ATP13A1: variants seen among roughly 807,000 people sequenced by gnomAD.
The protein encoded by ATP13A1 is ATPase 13A1, also known as endoplasmic reticulum transmembrane helix translocase.
A neutral mutation model predicts 134.8 loss-of-function variants in ATP13A1; 55 were observed. That is an observed-to-expected ratio of 0.41 (90% CI 0.33 to 0.51). ATP13A1 has a LOEUF of 0.51. Ranked by LOEUF, ATP13A1 falls within the 20% of genes least tolerant of loss-of-function variation. The pLI, the probability that ATP13A1 is intolerant of heterozygous loss-of-function variation, is 0.29. For missense variants in ATP13A1, 1,389 were observed against 1,652.8 expected, an observed-to-expected ratio of 0.84 and a Z score of 2.77; for synonymous variants, 775 against 725.1, an observed-to-expected ratio of 1.07 and a Z score of -1.10.
chr19:19,659,704 C>G lies in ATP13A1; in HGVS notation c.574G>C (p.Val192Leu). The part of the protein sequence containing the change: ...DALEKKQFLP[V>L]AFPVGNAFSY... ...AAGGCGTTTCCCACAGGAAAGGCCA[C>G]GGGGAGAAACTGCTTCTTCTCCAGG... The change falls in exon 3 of 26, where the codon GTG becomes CTG. Residue 192 changes from valine to leucine, a missense_variant. By Grantham distance (32) the Val-to-Leu change is conservative (BLOSUM62 1). Coordinates refer to ENST00000357324, the MANE Select transcript of ATP13A1 (RefSeq NM_020410.3). 1 of 1,613,934 alleles carries G rather than the reference C, an allele frequency of 6.2e-7. No individual in the cohort carries two copies. The highest frequency in any genetic ancestry group is 8.5e-7 in the Non-Finnish European group (1 of 1,179,880).
In ATP13A1 at chr19:19,663,450, G is replaced by A; in HGVS notation, c.217C>T (p.Leu73=). The A allele has an allele frequency of 6.4e-7, 1 of 1,554,476 alleles. No homozygotes were observed. The highest frequency in any genetic ancestry group is 2.4e-5 in the East Asian group (1 of 41,622). ...RRLTVLPFAG[L]LYPAWLGAAA... is the part of the protein sequence containing the mutation. ...GCACCCAACCAGGCCGGGTAAAGCA[G>A]CCCGGCGAATGGCAGCACCGTGAGG... is the stretch of plus-strand genomic sequence containing the variant. Residue 73 remains leucine (L), a synonymous_variant, in exon 1 of 26, where the codon CTG becomes TTG. Coordinates refer to ENST00000357324, the MANE Select transcript of ATP13A1 (RefSeq NM_020410.3).
chr19:19,660,498 CAAAA>C (rs1005121674), intron 1 of ATP13A1: 1 of 145,782 alleles, frequency 6.9e-6, no homozygotes, highest in South Asian at 2.1e-4. Flanking sequence ...AAAAAAAAAA[CAAAA>C]AACCAGCCAG....
In ATP13A1 at chr19:19,645,438, A is replaced by G; in HGVS notation, c.3599T>C (p.Leu1200Pro). 1 of 1,602,812 alleles carries G rather than the reference A, an allele frequency of 6.2e-7. No homozygotes were observed. The highest frequency in any genetic ancestry group is 8.5e-7 in the Non-Finnish European group (1 of 1,175,480). Reference sequence around the variant, plus strand: ...ACTGCCATCTCAGGAAGGCACTTTCAGCTTCGGGGTCCCCAGGAAGAACTG... The same window carrying G: ...ACTGCCATCTCAGGAAGGCACTTTCGGCTTCGGGGTCCCCAGGAAGAACTG... Reference protein sequence around the residue: ...VLQFFLGTPKLKVPS With the variant: ...VLQFFLGTPKPKVPS The change falls in exon 26 of 26, where the codon CTG becomes CCG. Residue 1200 changes from leucine (L) to proline (P), a missense_variant. Coordinates refer to ENST00000357324, the MANE Select transcript of ATP13A1 (RefSeq NM_020410.3). This position sits in a 1 kb window ranked among gnomAD's most constrained non-coding sequence, Gnocchi z 4.1.
Position 19,653,142 on chromosome 19 carries a change from T to C in ATP13A1, c.2101-422A>G, listed in dbSNP as rs1322246298. On this transcript the variant is annotated intron_variant, in intron 15 of 25. Transcript: ENST00000357324. The surrounding 1 kb of genome is among the most constrained non-coding windows in gnomAD (Gnocchi z 4.2). ...CTCACACTGCACCAGGGGAGACGCA[T>C]GATCAAGAAAGTCACAGAAATCGGA... The C allele has an allele frequency of 2.2e-5, 4 of 178,634 alleles. No homozygotes were observed. The East Asian group carries it at 6.5e-4, about 29-fold the overall frequency. 11.1% of individuals were successfully genotyped at this position (178,634 alleles called of 1,614,324 possible).
chr19:19,662,643 C>T (rs918080796), intron 1 of ATP13A1, among the ~76,000 whole-genome samples: 4 of 152,138 alleles, frequency 2.6e-5, no homozygotes, highest in Non-Finnish European at 4.4e-5. Context: ...GTTGTATCCC[C>T]GACAGAACTC....
At chr19:19,649,973 C>A in intron 17 of ATP13A1, 33 bp from the exon 18 acceptor site, 4 of 1,541,424 alleles carry the variant, frequency 2.6e-6, no homozygotes, top group Non-Finnish European at 3.5e-6. Context: ...GGGCTGGGGG[C>A]TTGGCTGACC....
At position 19,655,752 on chromosome 19, in the gene ATP13A1, T is replaced by C; in HGVS notation, c.1270-98A>G. 6.5e-7 allele frequency: 1 copy of C among 1,538,766 alleles called. No individual in the cohort carries two copies. Among genetic ancestry groups the C allele is most frequent in the Admixed American group, 1.9e-5 (1 of 51,366 alleles). Reference sequence around the variant, plus strand: ...TGGTCTTGGGGTGGCCTCTGCACCCTGGCCCAGGTCCAGGGCCGTGCTGCC... The same window carrying C: ...TGGTCTTGGGGTGGCCTCTGCACCCCGGCCCAGGTCCAGGGCCGTGCTGCC... On this transcript the variant is annotated intron_variant, in intron 9 of 25. Coordinates refer to ENST00000357324, the MANE Select transcript of ATP13A1 (RefSeq NM_020410.3). The surrounding 1 kb of genome is among the most constrained non-coding windows in gnomAD (Gnocchi z 5.7).
chr19:19,654,253 T>C lies in ATP13A1; in HGVS notation c.1814-109A>G, dbSNP rs372397936. 37 of 1,201,788 alleles carry C rather than the reference T, an allele frequency of 3.1e-5. No homozygotes were observed. The African/African-American group carries it at 4.9e-4, about 16-fold the overall frequency. 74.4% of individuals were successfully genotyped at this position (1,201,788 alleles called of 1,614,324 possible). On this transcript the variant is annotated intron_variant, in intron 13 of 25. Transcript: ENST00000357324. ...CCTCCCTCCTGCCTCCCCCAGGGCC[T>C]GATCGGGGCTCTGGGCTAGAGCAGG...
intron 17 of ATP13A1, chr19:19,651,087 C>G (rs1168478816): frequency 6.6e-6 from 1 of 151,588 alleles, no homozygotes; most frequent in Non-Finnish European, 1.5e-5. Context: ...AGTGGGTTCA[C>G]TTCTGAGCCT....
chr19:19,653,518 C>T lies in ATP13A1; in HGVS notation c.2100+266G>A. On this transcript the variant is annotated intron_variant, in intron 15 of 25. Transcript: ENST00000357324. This position sits in a 1 kb window ranked among gnomAD's most constrained non-coding sequence, Gnocchi z 4.2. The stretch of plus-strand genomic sequence containing the variant: ...GATGCCACCTAGCCCTGCCCAAGAC[C>T]AGGGCAAAAGAGTAGAGCTAGGGAC... The T allele has an allele frequency of 2.0e-6, 1 of 511,708 alleles. No homozygotes were observed. The allele number at this position is 511,708 out of a possible 1,614,324, so 31.7% of individuals were successfully genotyped here. A position where few individuals can be genotyped will look rare whatever the true frequency, so the allele number is the denominator to read the frequency against.
rs773408096 is a variant in ATP13A1, at chr19:19,655,319, G to A, written c.1531C>T (p.Leu511Phe). The A allele has an allele frequency of 6.2e-7, 1 of 1,613,966 alleles. No individual in the cohort carries two copies. The highest frequency in any genetic ancestry group is 8.5e-7 in the Non-Finnish European group (1 of 1,179,880). Residue 511 changes from leucine (L) to phenylalanine (F), a missense_variant, in exon 11 of 26, where the codon CTC (leucine) becomes TTC (phenylalanine). Leu to Phe is a conservative substitution (Grantham distance 22). This residue lies in a region of ATP13A1 where 747 missense variants were observed against 956.1 expected (regional missense o/e 0.78). Coordinates refer to ENST00000357324, the MANE Select transcript of ATP13A1 (RefSeq NM_020410.3). The surrounding 1 kb of genome is among the most constrained non-coding windows in gnomAD (Gnocchi z 5.7). Reference protein sequence around the residue: ...VNTSLIALAKLYMYCTEPFRI... With the variant: ...VNTSLIALAKFYMYCTEPFRI... Reference sequence around the variant, plus strand: ...CCATCCCATTTGACACACTCACAGAGCTTGGCCAGGGCGATGAGGGAGGTG... The same window carrying A: ...CCATCCCATTTGACACACTCACAGAACTTGGCCAGGGCGATGAGGGAGGTG...
In ATP13A1 at chr19:19,653,732, G is replaced by A; in HGVS notation, c.2100+52C>T. 2 of 1,452,530 alleles carry A rather than the reference G, an allele frequency of 1.4e-6. No homozygotes were observed. Among genetic ancestry groups the A allele is most frequent in the East Asian group, 2.5e-5 (1 of 40,384 alleles). The allele number at this position is 1,452,530 out of a possible 1,614,324, so 90.0% of individuals were successfully genotyped here. On this transcript the variant is annotated intron_variant, in intron 15 of 25. Coordinates refer to ENST00000357324, the MANE Select transcript of ATP13A1 (RefSeq NM_020410.3). The surrounding 1 kb of genome is among the most constrained non-coding windows in gnomAD (Gnocchi z 4.2). ...TGGGACACAGGAGGTGACTCAGGGA[G>A]GAGCTGACGGGCCAGGCACATGGTG... is the stretch of plus-strand genomic sequence containing the variant.
rs368175798 is a variant in ATP13A1 at position 19,657,604 on chromosome 19, C to A, written c.678-196G>T. Among the ~76,000 whole-genome samples the A allele has an allele frequency of 1.4e-4, 22 of 152,330 alleles. No individual in the cohort carries two copies. In the South Asian group the frequency reaches 4.6e-3, roughly 32 times the overall value. ...TGGCTCTCCCTCATCCTGGCTGAGCCTGGGGTAGACATGCTGCCCGCCCAC... is the reference window on the plus strand; with the variant it reads ...TGGCTCTCCCTCATCCTGGCTGAGCATGGGGTAGACATGCTGCCCGCCCAC... On this transcript the variant is annotated intron_variant, in intron 3 of 25. Transcript: ENST00000357324.
chr19:19,651,672 C>A lies in ATP13A1; in HGVS notation c.2335+17G>T. On this transcript the variant is annotated intron_variant, in intron 17 of 25. Coordinates refer to ENST00000357324, the MANE Select transcript of ATP13A1 (RefSeq NM_020410.3). Reference sequence around the variant, plus strand: ...CAGGGTCCCCCTTCCCCACTGTGGGCCAGGCTAGGGCCTCACCTTTCTCGG... The same window carrying A: ...CAGGGTCCCCCTTCCCCACTGTGGGACAGGCTAGGGCCTCACCTTTCTCGG... The A allele has an allele frequency of 6.3e-7, 1 of 1,596,326 alleles. No homozygotes were observed.
chr19:19,651,359 G>A (rs1050444844), intron 17 of ATP13A1: 7 of 203,470 alleles, frequency 3.4e-5, no homozygotes, highest in Admixed American at 1.2e-4. Flanking sequence ...GCCAAAGAGG[G>A]TGTGAAATGA....
In ATP13A1 at chr19:19,654,902, G is replaced by A. The variant is rs180804552; in HGVS notation, c.1656-202C>T. On this transcript the variant is annotated intron_variant, in intron 12 of 25. Transcript: ENST00000357324. ...GCATTGTGCCTGGGGGTCATGTGGT[G>A]CATGGCTGGTGTGGGATGTTCCAGG... is the stretch of plus-strand genomic sequence containing the variant. Among the ~76,000 whole-genome samples the A allele has an allele frequency of 2.3e-3, 351 of 152,330 alleles. 3 individuals carry two copies. Among genetic ancestry groups the A allele is most frequent in the African/African-American group, 6.3e-3 (262 of 41,582 alleles).
chr19:19,648,012 G>C (rs567530198), intron 19 of ATP13A1, among the ~76,000 whole-genome samples: 1 of 152,274 alleles, frequency 6.6e-6, no homozygotes, highest in African/African-American at 2.4e-5. Flanking sequence ...CACAACACGA[G>C]ATAGGTCAAA....
chr19:19,649,638 T>A lies in ATP13A1; in HGVS notation c.2561A>T (p.Glu854Val), dbSNP rs750292175. 6.2e-7 allele frequency: 1 copy of A among 1,613,898 alleles called. No individual in the cohort carries two copies. The highest frequency in any genetic ancestry group is 1.7e-5 in the Admixed American group (1 of 60,014). The stretch of plus-strand genomic sequence containing the variant: ...ACACATGAGGGTCACGTAGCCCAGC[T>A]CCTTCAGGCTGGTGATGACAAACTC... Reference protein sequence around the residue: ...QKEFVITSLKELGYVTLMCGD... With the variant: ...QKEFVITSLKVLGYVTLMCGD... The change falls in exon 19 of 26, where the codon GAG (glutamate) becomes GTG (valine). Residue 854 changes from glutamate (E) to valine (V), a missense_variant. Physicochemically the swap from Glu to Val is moderately radical, Grantham distance 121. Transcript: ENST00000357324.
In ATP13A1 at chr19:19,645,849, T is replaced by C. The variant is rs1430724028; in HGVS notation, c.3360+25A>G. On this transcript the variant is annotated intron_variant, in intron 24 of 25. Transcript: ENST00000357324. This position sits in a 1 kb window ranked among gnomAD's most constrained non-coding sequence, Gnocchi z 4.1. ...TGGGGCTGGGTGGGCAGACAGTGAA[T>C]GTTTGGGCAGGGCCCAGGCCTTACT... 5.0e-6 allele frequency: 8 copies of C among 1,612,718 alleles called. No individual in the cohort carries two copies. The African/African-American group carries it at 6.7e-5, about 13-fold the overall frequency.
Sources: allele counts gnomAD v4.1 joint callset (sites outside exome capture counted in the v4.1 genomes callset), GRCh38; gene constraint gnomAD v4.1.1; regional missense constraint gnomAD v4.1.1; non-coding constraint Gnocchi (gnomAD v3.1); transcripts MANE v1.5; gene names NCBI Gene and HGNC (gene_info 2026-07-23, HGNC 2026-07-21).